Variants in LLGL1 observed in about 807,000 individuals in gnomAD.
The protein encoded by LLGL1 is LLGL scribble cell polarity complex component 1.
LLGL1 carries 58 observed loss-of-function variants against 110.6 expected under a neutral mutation model. That is an observed-to-expected ratio of 0.52 (90% CI 0.42 to 0.65). The LOEUF is 0.65. Ranked by LOEUF, LLGL1 falls within the 30% of genes least tolerant of loss-of-function variation. LLGL1 has a pLI of 0.00. For synonymous variants in LLGL1, 674 were observed against 607.2 expected (o/e 1.11, Z -1.62); for missense variants, 1,229 against 1,462.1 (o/e 0.84, Z 2.60).
At chr17:18,237,283 C>G in intron 13 of LLGL1, 198 bp from the exon 14 acceptor site, 1 of 619,674 alleles carries the variant, frequency 1.6e-6, no homozygotes. Flanking sequence ...GTCTTGGTCA[C>G]CACTGTGTTC....
chr17:18,226,082 C>G (rs2047434166), intron 1 of LLGL1, among the ~76,000 whole-genome samples: 1 of 152,086 alleles, frequency 6.6e-6, no homozygotes, highest in Non-Finnish European at 1.5e-5. Flanking sequence ...GTCTCTGTCC[C>G]TCTTTCTCCG....
rs1196004326 is a variant in LLGL1, at chr17:18,240,554, C to G, written c.2207-24C>G. 1.9e-6 allele frequency: 3 copies of G among 1,564,984 alleles called. No individual in the cohort carries two copies. The African/African-American group carries it at 4.0e-5, about 21-fold the overall frequency. ...AGATGCCTGGCCCACAGGGAGCACC[C>G]TCCTACGCGCTTGTTTTCTGCAGGG... On this transcript the variant is annotated intron_variant, in intron 16 of 22. Coordinates refer to ENST00000316843, the MANE Select transcript of LLGL1 (RefSeq NM_004140.4). This position sits in a 1 kb window ranked among gnomAD's most constrained non-coding sequence, Gnocchi z 5.3.
Position 18,242,812 on chromosome 17 carries a change from G to C in LLGL1, c.3186G>C (p.Leu1062=). 1 of 1,553,758 alleles carries C rather than the reference G, an allele frequency of 6.4e-7. No homozygotes were observed. The highest frequency in any genetic ancestry group is 8.7e-7 in the Non-Finnish European group (1 of 1,148,866). Residue 1062 remains leucine (L), a synonymous_variant, in exon 22 of 23, where the codon CTG becomes CTC. Coordinates refer to ENST00000316843, the MANE Select transcript of LLGL1 (RefSeq NM_004140.4). ...AEDEAHACAI[L]IK is the part of the protein sequence containing the mutation. ...ACGAGGCCCACGCCTGTGCCATCCT[G>C]ATCAAATGAGGTGCTGCAGGGGTGG...
At position 18,237,697 on chromosome 17, in the gene LLGL1, T is replaced by C; in HGVS notation, c.1828T>C (p.Trp610Arg). The C allele has an allele frequency of 1.2e-6, 2 of 1,612,952 alleles. No individual in the cohort carries two copies. The highest frequency in any genetic ancestry group is 1.1e-5 in the South Asian group (1 of 91,064). The part of the protein sequence containing the change: ...AVTAVTLHTE[W>R]SLVAFGTSHG... ...AACCGCTGTCACACTCCACACCGAGTGGAGCCTCGTGGCTTTTGGCACCAG... is the reference window on the plus strand; with the variant it reads ...AACCGCTGTCACACTCCACACCGAGCGGAGCCTCGTGGCTTTTGGCACCAG... The change falls in exon 14 of 23, where the codon TGG becomes CGG. Residue 610 changes from tryptophan (W) to arginine (R), a missense_variant. Coordinates refer to ENST00000316843, the MANE Select transcript of LLGL1 (RefSeq NM_004140.4).
intron 16 of LLGL1, 120 bp downstream of exon 16, chr17:18,238,729 G>GGGCACGGTGGCTC: frequency 9.8e-7 from 1 of 1,016,344 alleles, no homozygotes; most frequent in Non-Finnish European, 1.5e-6. Flanking sequence ...GGAGGTGGCT[G>GGGCACGGTGGCTC]GGCACGGTGG....
chr17:18,241,852 C>G lies in LLGL1; in HGVS notation c.2768-33C>G, dbSNP rs1294680353. On this transcript the variant is annotated intron_variant, in intron 18 of 22. Coordinates refer to ENST00000316843, the MANE Select transcript of LLGL1 (RefSeq NM_004140.4). ...GAGGAGCTGTGGTTGGTGGTATCTT[C>G]TAACTGCACTCCTCATTCTTCTGCC... The G allele has an allele frequency of 5.6e-6, 9 of 1,604,982 alleles. No individual in the cohort carries two copies. The Admixed American group carries it at 8.3e-5, about 15-fold the overall frequency.
At chr17:18,238,849 A>G (rs1320441382) in intron 16 of LLGL1, among the ~76,000 whole-genome samples, 56 of 152,160 alleles carry the variant, frequency 3.7e-4, no homozygotes, top group Admixed American at 3.6e-3. Context: ...CGTCTCTACT[A>G]AAAATACAAA....
In LLGL1 at chr17:18,236,733, C is replaced by T. The variant is rs764369347; in HGVS notation, c.1479C>T (p.Ala493=). 13 of 1,612,332 alleles carry T rather than the reference C, an allele frequency of 8.1e-6. No individual in the cohort carries two copies. The highest frequency in any genetic ancestry group is 6.7e-5 in the African/African-American group (5 of 74,910). Residue 493 remains alanine, a synonymous_variant, in exon 12 of 23, where the codon GCC becomes GCT. Coordinates refer to ENST00000316843, the MANE Select transcript of LLGL1 (RefSeq NM_004140.4). ...CEHADSLAQA[A]EDDWPPFRKV... ...ACGCTGACAGCCTGGCCCAGGCTGC[C>T]GAGGACGACTGGCCACCCTTCCGCA...
At chr17:18,243,604 G>A (rs936548831) in intron 22 of LLGL1, among the ~76,000 whole-genome samples, 12 of 152,196 alleles carry the variant, frequency 7.9e-5, no homozygotes, top group African/African-American at 1.2e-4. Context: ...TCTGCCCAGC[G>A]CATTTGCTGC....
chr17:18,225,804 C>T (rs1597853160), intron 1 of LLGL1, 41 bp downstream of exon 1: 1 of 160,476 alleles, frequency 6.2e-6, no homozygotes, highest in Non-Finnish European at 1.1e-5. Flanking sequence ...CGGGAGGGGG[C>T]GGGACGGGGG....
chr17:18,242,951 A>G (rs2047880237), intron 22 of LLGL1, 129 bp downstream of exon 22: 1 of 855,696 alleles, frequency 1.2e-6, no homozygotes, highest in African/African-American at 1.7e-5. Flanking sequence ...ACTCTCTGAA[A>G]CCTGGCTGCC....
chr17:18,237,481 G>T lies in LLGL1; in HGVS notation c.1612G>T (p.Val538Leu), dbSNP rs1320196496. 2 of 1,577,390 alleles carry T rather than the reference G, an allele frequency of 1.3e-6. No homozygotes were observed. Among genetic ancestry groups the T allele is most frequent in the Non-Finnish European group, 1.7e-6 (2 of 1,157,530 alleles). Residue 538 changes from valine (V) to leucine (L), a missense_variant and splice_region_variant, in exon 14 of 23, where the codon GTG becomes TTG. Physicochemically the swap from Val to Leu is conservative, Grantham distance 32. Coordinates refer to ENST00000316843, the MANE Select transcript of LLGL1 (RefSeq NM_004140.4). ...TCCCCCTGCCTGGCTGTGGGCTCAG[G>T]TGCTGGTACTGGAGCTTAGTGATGT... The part of the protein sequence containing the change: ...QMVVAGTAGQ[V>L]LVLELSDVPV...
intron 13 of LLGL1, 49 bp downstream of exon 13, chr17:18,236,988 G>T: frequency 6.8e-7 from 1 of 1,460,004 alleles, no homozygotes; most frequent in South Asian, 1.2e-5. Context: ...GGGCTTTCTG[G>T]AAGAGATGAG....
chr17:18,239,806 T>A (rs1303046914), intron 16 of LLGL1, among the ~76,000 whole-genome samples: 1 of 152,132 alleles, frequency 6.6e-6, no homozygotes, highest in African/African-American at 2.4e-5. Context: ...CCTGGGGTTT[T>A]TAACTTGTTC....
At chr17:18,239,761 G>T (rs2047783933) in intron 16 of LLGL1, among the ~76,000 whole-genome samples, 1 of 150,420 alleles carries the variant, frequency 6.6e-6, no homozygotes, top group South Asian at 2.1e-4. Context: ...TTGACTTTTT[G>T]TTTTTTTTGA....
chr17:18,239,306 GCTTTGATTCTC>G (rs2047769984), intron 16 of LLGL1, among the ~76,000 whole-genome samples: 1 of 152,184 alleles, frequency 6.6e-6, no homozygotes, highest in Non-Finnish European at 1.5e-5. Flanking sequence ...TGAGGACCTG[GCTTTGATTCTC>G]AGTGGCCTGG....
chr17:18,230,866 G>C (rs2047552112), intron 2 of LLGL1, among the ~76,000 whole-genome samples: 1 of 152,198 alleles, frequency 6.6e-6, no homozygotes, highest in Non-Finnish European at 1.5e-5. Context: ...ATGGGACTCT[G>C]AGCCTGTGGT....
chr17:18,235,209 C>T lies in LLGL1; in HGVS notation c.1181C>T (p.Ala394Val), dbSNP rs372720962. The T allele has an allele frequency of 2.4e-5, 39 of 1,611,628 alleles. No homozygotes were observed. The Admixed American group carries it at 4.7e-4, about 19-fold the overall frequency. ...APYLAPLHSS[A>V]ITCSAHVASV... ...TACCTGGCCCCGCTGCACTCCTCTG[C>T]AATCACTTGCTCGGCCCACGTGGCC... is the stretch of plus-strand genomic sequence containing the variant. Residue 394 changes from alanine (A) to valine (V), a missense_variant, in exon 10 of 23, where the codon GCA becomes GTA. Physicochemically the swap from Ala to Val is moderately conservative, Grantham distance 64. Coordinates refer to ENST00000316843, the MANE Select transcript of LLGL1 (RefSeq NM_004140.4).
At chr17:18,230,842 C>T (rs1439370266) in intron 2 of LLGL1, among the ~76,000 whole-genome samples, 1 of 152,152 alleles carries the variant, frequency 6.6e-6, no homozygotes, top group Admixed American at 6.5e-5. Context: ...ACTGGGGGCA[C>T]TGATCAGGCA....
Sources: allele counts gnomAD v4.1 joint callset (sites outside exome capture counted in the v4.1 genomes callset), GRCh38; gene constraint gnomAD v4.1.1; non-coding constraint Gnocchi (gnomAD v3.1); transcripts MANE v1.5; gene names NCBI Gene and HGNC (gene_info 2026-07-23, HGNC 2026-07-21).